Variants in PRKG1 observed in about 807,000 individuals in gnomAD.
PRKG1 encodes protein kinase cGMP-dependent 1.
PRKG1 carries 35 observed loss-of-function variants against 88.1 expected under a neutral mutation model. The ratio of observed to expected loss-of-function variants is 0.40; its 90% CI spans 0.30 to 0.53. The LOEUF (loss-of-function observed/expected upper bound fraction) is 0.53, where lower values mean the gene tolerates loss of function less well. PRKG1 is among the 20% of genes least tolerant of loss of function. PRKG1 has a pLI of 0.59. For synonymous variants in PRKG1, 303 were observed against 292.5 expected, an observed-to-expected ratio of 1.04 and a Z score of -0.37; for missense variants, 540 against 839.8, an observed-to-expected ratio of 0.64 and a Z score of 4.41.
intron 4 of PRKG1, among the ~76,000 whole-genome samples, chr10:51,904,686 A>T (rs1842048701): frequency 6.6e-6 from 1 of 152,154 alleles, no homozygotes; most frequent in South Asian, 2.1e-4. Flanking sequence ...TGTTACTGGT[A>T]ATATTTTAGA....
At chr10:51,861,241 T>C (rs940678910) in intron 4 of PRKG1, among the ~76,000 whole-genome samples, 2 of 152,174 alleles carry the variant, frequency 1.3e-5, no homozygotes, top group Non-Finnish European at 2.9e-5. Flanking sequence ...CACTGTCTTA[T>C]GGAAAAAGTC....
At chr10:51,190,198 A>T (rs1837597510) in intron 2 of PRKG1, among the ~76,000 whole-genome samples, 1 of 151,976 alleles carries the variant, frequency 6.6e-6, no homozygotes, top group Non-Finnish European at 1.5e-5. Flanking sequence ...AACTAATTAC[A>T]TGATTACTTG....
At chr10:51,429,024 C>T (rs996244469) in intron 2 of PRKG1, among the ~76,000 whole-genome samples, 1 of 152,150 alleles carries the variant, frequency 6.6e-6, no homozygotes, top group Non-Finnish European at 1.5e-5. Context: ...CTATACATCC[C>T]TTGCTGGACA....
chr10:51,510,923 T>A (rs920528373), intron 3 of PRKG1, among the ~76,000 whole-genome samples: 6 of 151,344 alleles, frequency 4.0e-5, no homozygotes, highest in Non-Finnish European at 7.4e-5. Context: ...TTTTTTTTTT[T>A]TGTATTTTTA....
chr10:51,117,179 A>G (rs1254806827), intron 1 of PRKG1, among the ~76,000 whole-genome samples: 1 of 152,104 alleles, frequency 6.6e-6, no homozygotes, highest in African/African-American at 2.4e-5. Context: ...ATTATAGAGA[A>G]CCTGGACTCT....
intron 5 of PRKG1, among the ~76,000 whole-genome samples, chr10:51,983,527 G>A (rs879437539): frequency 1.3e-5 from 2 of 152,164 alleles, no homozygotes. Flanking sequence ...TGCTTAGACT[G>A]GACCAGCCCC....
chr10:52,053,795 A>T (rs1453958596), intron 5 of PRKG1, among the ~76,000 whole-genome samples: 1 of 152,194 alleles, frequency 6.6e-6, no homozygotes. Context: ...ACCAGAATTC[A>T]GTCCATAAAA....
chr10:51,299,756 C>G (rs1840828643), intron 2 of PRKG1: 1 of 369,846 alleles, frequency 2.7e-6, no homozygotes, highest in Admixed American at 4.9e-5. Context: ...TTATAAGCTT[C>G]TATTATACCT....
chr10:51,441,898 T>A (rs528616593), intron 2 of PRKG1, among the ~76,000 whole-genome samples: 88 of 152,102 alleles, frequency 5.8e-4, no homozygotes, highest in African/African-American at 2.0e-3. Context: ...CTCAGAATTC[T>A]GATTCTTGCC....
At chr10:51,604,013 A>T (rs969914050) in intron 3 of PRKG1, among the ~76,000 whole-genome samples, 1 of 151,432 alleles carries the variant, frequency 6.6e-6, no homozygotes, top group Non-Finnish European at 1.5e-5. Flanking sequence ...AAGACTTTAT[A>T]TATTTTATTT....
At chr10:52,081,520 G>T in intron 7 of PRKG1, 1 of 449,676 alleles carries the variant, frequency 2.2e-6, no homozygotes. Context: ...ATTAAGGTAG[G>T]AATTCTATAA....
intron 5 of PRKG1, among the ~76,000 whole-genome samples, chr10:52,028,066 G>T (rs1845387097): frequency 6.6e-6 from 1 of 152,168 alleles, no homozygotes; most frequent in Admixed American, 6.5e-5. Context: ...TGGGATTACA[G>T]GCATGAGCCA....
chr10:51,244,959 C>CA (rs1839251649), intron 2 of PRKG1: 1 of 151,958 alleles, frequency 6.6e-6, no homozygotes, highest in South Asian at 2.1e-4. Context: ...TATACCAATG[C>CA]AGACTGCTGC....
intron 3 of PRKG1, among the ~76,000 whole-genome samples, chr10:51,609,750 C>A (rs1838856479): frequency 6.6e-6 from 1 of 152,116 alleles, no homozygotes; most frequent in Non-Finnish European, 1.5e-5. Flanking sequence ...GAAAACCAAG[C>A]ACCACGTGTT....
Position 51,791,287 on chromosome 10 carries a change from C to T in PRKG1, c.593-13298C>T, listed in dbSNP as rs75129181. ...GTCTGTATCTTGTTTATCTTCATAC[C>T]ACCAGTTCCTGGTATAGTTCTTGGC... is the stretch of plus-strand genomic sequence containing the variant. On this transcript the variant is annotated intron_variant, in intron 3 of 17. Transcript: ENST00000373980. Among the ~76,000 whole-genome samples the T allele has an allele frequency of 4.1e-3, 617 of 152,180 alleles. 4 individuals are homozygous for T. Among genetic ancestry groups the T allele is most frequent in the African/African-American group, 0.014 (586 of 41,544 alleles).
chr10:51,283,754 A>C (rs1251122086), intron 2 of PRKG1, among the ~76,000 whole-genome samples: 1 of 152,170 alleles, frequency 6.6e-6, no homozygotes, highest in East Asian at 1.9e-4. Context: ...AGCTACTTTA[A>C]AATTGTGTTA....
At chr10:51,804,526 C>A in intron 3 of PRKG1, 59 bp from the exon 4 acceptor site, 3 of 1,182,060 alleles carry the variant, frequency 2.5e-6, no homozygotes, top group South Asian at 1.3e-5. Context: ...GGATGTTGTT[C>A]ACAGTTGAAA....
intron 3 of PRKG1, among the ~76,000 whole-genome samples, chr10:51,599,793 A>AG (rs1426988383): frequency 1.3e-5 from 2 of 152,222 alleles, no homozygotes; most frequent in Admixed American, 6.5e-5. Context: ...AACTTGATGT[A>AG]GCTCTTGATG....
At chr10:51,483,612 T>C (rs1840436186) in intron 3 of PRKG1, among the ~76,000 whole-genome samples, 1 of 152,222 alleles carries the variant, frequency 6.6e-6, no homozygotes, top group Admixed American at 6.5e-5. Context: ...AGGATACTTG[T>C]ATTGAACCTG....
Sources: allele counts gnomAD v4.1 joint callset (sites outside exome capture counted in the v4.1 genomes callset), GRCh38; gene constraint gnomAD v4.1.1; transcripts MANE v1.5; gene names NCBI Gene and HGNC (gene_info 2026-07-23, HGNC 2026-07-21).